The following CD164 variants were observed in gnomAD, a reference collection of about 807,000 sequenced individuals.
CD164 encodes CD164 molecule.
Under a neutral mutation model 24.6 loss-of-function variants are expected in CD164, and 11 were observed. The observed-to-expected ratio is 0.45, with a 90% CI of 0.28 to 0.74. CD164 has a LOEUF of 0.74. Ranked by LOEUF, CD164 falls within the 30% of genes least tolerant of loss-of-function variation. The pLI, the probability that CD164 is intolerant of heterozygous loss-of-function variation, is 0.13. For missense variants in CD164, 295 were observed against 243.7 expected, an observed-to-expected ratio of 1.21 and a Z score of -1.40; for synonymous variants, 126 against 100.3, an observed-to-expected ratio of 1.26 and a Z score of -1.53.
chr6:109,381,068 T>G (rs1402327207), intron 1 of CD164, among the ~76,000 whole-genome samples: 3 of 152,222 alleles, frequency 2.0e-5, no homozygotes, highest in African/African-American at 7.2e-5. Flanking sequence ...TCATTACACT[T>G]CGGCATTCTT....
At chr6:109,376,003 T>C (rs1771385839) in intron 4 of CD164, 71 bp downstream of exon 4, 2 of 1,175,712 alleles carry the variant, frequency 1.7e-6, no homozygotes, top group Admixed American at 2.6e-5. Context: ...TACATAATTA[T>C]TTAAAACTAA....
At chr6:109,375,546 G>A (rs1284051033) in intron 4 of CD164, among the ~76,000 whole-genome samples, 1 of 150,374 alleles carries the variant, frequency 6.7e-6, no homozygotes, top group Admixed American at 6.7e-5. Flanking sequence ...GAACTTGGGA[G>A]GGGAAGGTTG....
At chr6:109,377,852 C>T in intron 3 of CD164, 48 bp downstream of exon 3, 4 of 1,373,302 alleles carry the variant, frequency 2.9e-6, no homozygotes, top group Non-Finnish European at 4.2e-6. Flanking sequence ...CAATGATCTT[C>T]CTCACCTCTC....
At chr6:109,381,541 C>G (rs1771744606) in intron 1 of CD164, 5 of 702,498 alleles carry the variant, frequency 7.1e-6, no homozygotes, top group Non-Finnish European at 1.3e-5. Flanking sequence ...GCAAAACACC[C>G]GGTACATACA....
chr6:109,375,393 G>A (rs1424576456), intron 4 of CD164, among the ~76,000 whole-genome samples: 1 of 151,984 alleles, frequency 6.6e-6, no homozygotes, highest in Non-Finnish European at 1.5e-5. Context: ...GAGGTAGGCG[G>A]ATCACTTTAA....
chr6:109,375,078 T>C (rs1469233526), intron 4 of CD164, among the ~76,000 whole-genome samples: 2 of 152,208 alleles, frequency 1.3e-5, no homozygotes, highest in South Asian at 2.1e-4. Flanking sequence ...GGAGTTCTTA[T>C]CCATGCTGTT....
chr6:109,373,747 G>A (rs1489273143), intron 4 of CD164, among the ~76,000 whole-genome samples: 3 of 152,180 alleles, frequency 2.0e-5, no homozygotes, highest in Non-Finnish European at 4.4e-5. Flanking sequence ...CTTAGTCAAT[G>A]TCTTCTAATG....
Position 109,370,457 on chromosome 6 carries a change from T to A in CD164, c.381A>T (p.Thr127=), listed in dbSNP as rs759963955. The part of the protein sequence containing the change: ...VPTANSTAKP[T]VQPSPSTTSK... ...AAGTTGTAGAAGGGGAGGGCTGAAC[T>A]GTGGGTTTAGCTGGAATGAAAACAA... The change falls in exon 5 of 6, where the codon ACA becomes ACT. Residue 127 remains threonine, a synonymous_variant. Coordinates refer to ENST00000310786, the MANE Select transcript of CD164 (RefSeq NM_006016.6). The A allele has an allele frequency of 1.2e-6, 2 of 1,612,578 alleles. No homozygotes were observed.
At chr6:109,378,816 T>G (rs1335954217) in intron 2 of CD164, among the ~76,000 whole-genome samples, 1 of 152,058 alleles carries the variant, frequency 6.6e-6, no homozygotes, top group African/African-American at 2.4e-5. Flanking sequence ...TTTTTGAAAT[T>G]TATGTAGTGA....
chr6:109,377,939 T>C lies in CD164; in HGVS notation c.292A>G (p.Ser98Gly). The C allele has an allele frequency of 5.0e-6, 8 of 1,613,870 alleles. No homozygotes were observed. The highest frequency in any genetic ancestry group is 6.8e-6 in the Non-Finnish European group (8 of 1,179,910). The change falls in exon 3 of 6, where the codon AGT becomes GGT. Residue 98 changes from serine to glycine, a missense_variant. Physicochemically the swap from Ser to Gly is moderately conservative, Grantham distance 56. Coordinates refer to ENST00000310786, the MANE Select transcript of CD164 (RefSeq NM_006016.6). ...GTCGTGTTCCCCACTTGACAATCAC[T>C]AACTGTTGAGTTATGTGAACAATAG... ...ESYCSHNSTV[S>G]DCQVGNTTDF... is the part of the protein sequence containing the mutation.
At chr6:109,374,671 C>T (rs941927772) in intron 4 of CD164, among the ~76,000 whole-genome samples, 1 of 152,180 alleles carries the variant, frequency 6.6e-6, no homozygotes, top group South Asian at 2.1e-4. Flanking sequence ...AAAGGTGTTT[C>T]CCAATTCTGC....
chr6:109,375,874 A>C (rs1349277854), intron 4 of CD164, 200 bp downstream of exon 4: 1 of 520,182 alleles, frequency 1.9e-6, no homozygotes, highest in Non-Finnish European at 3.3e-6. Context: ...GCTCACATTC[A>C]CCGACTATAA....
At chr6:109,374,873 C>A (rs1771306388) in intron 4 of CD164, among the ~76,000 whole-genome samples, 1 of 152,190 alleles carries the variant, frequency 6.6e-6, no homozygotes, top group Admixed American at 6.5e-5. Context: ...CTGCATCCCA[C>A]CCAATACACA....
chr6:109,368,662 C>T lies in CD164; in HGVS notation c.*189G>A, dbSNP rs1770904808. ...ATTCATGCAGAATATTTTAAATATT[C>T]CTGTTGAACACAATGATTTAATTGA... On this transcript the variant is annotated 3_prime_UTR_variant, in exon 6 of 6. Transcript: ENST00000310786. The T allele has an allele frequency of 2.9e-6, 4 of 1,372,066 alleles. No homozygotes were observed. In the East Asian group the frequency reaches 1.1e-4, roughly 38 times the overall value. 85.0% of individuals were successfully genotyped at this position (1,372,066 alleles called of 1,614,324 possible).
chr6:109,370,081 T>C (rs1770991615), intron 5 of CD164, among the ~76,000 whole-genome samples: 3 of 152,154 alleles, frequency 2.0e-5, no homozygotes, highest in Admixed American at 2.0e-4. Flanking sequence ...TGCTCTCTCA[T>C]ACAGCACACA....
At chr6:109,377,848 T>A in intron 3 of CD164, 52 bp downstream of exon 3, 1 of 1,320,806 alleles carries the variant, frequency 7.6e-7, no homozygotes, top group Non-Finnish European at 1.1e-6. Context: ...GAGGCAATGA[T>A]CTTCCTCACC....
intron 5 of CD164, among the ~76,000 whole-genome samples, chr6:109,369,494 GT>G (rs1266861059): frequency 6.6e-6 from 1 of 152,108 alleles, no homozygotes; most frequent in Admixed American, 6.5e-5. Flanking sequence ...TAAAATAACT[GT>G]TTTTAAAGGC....
chr6:109,376,568 A>C (rs1771422002), intron 3 of CD164, among the ~76,000 whole-genome samples: 1 of 152,234 alleles, frequency 6.6e-6, no homozygotes, highest in Non-Finnish European at 1.5e-5. Flanking sequence ...TGCAGAGCTG[A>C]ACTCTAGTCC....
At position 109,382,231 on chromosome 6, in the gene CD164, G is replaced by C; in HGVS notation, c.148C>G (p.Leu50Val). Residue 50 changes from leucine to valine, a missense_variant, in exon 1 of 6, where the codon CTC (leucine) becomes GTC (valine). Transcript: ENST00000310786. ...SNVTSAPVTS[L>V]PLVTTPAPET... is the part of the protein sequence containing the mutation. ...GGTGCCGGAGTGGTGACCAGCGGGA[G>C]GGACGTCACCGGCGCCGAGGTTACG... is the stretch of plus-strand genomic sequence containing the variant. The C allele has an allele frequency of 5.7e-6, 9 of 1,581,198 alleles. No individual in the cohort carries two copies. Among genetic ancestry groups the C allele is most frequent in the Non-Finnish European group, 7.7e-6 (9 of 1,167,824 alleles).
Sources: gnomAD v4.1 joint callset for allele counts (sites outside exome capture counted in the v4.1 genomes callset) on GRCh38, gnomAD v4.1.1 for gene constraint, MANE v1.5 for transcripts, NCBI Gene and HGNC (gene_info 2026-07-23, HGNC 2026-07-21) for gene names.